Variants in DPF3 observed in about 807,000 individuals in gnomAD.
DPF3 encodes the protein zinc finger protein DPF3.
DPF3 carries 18 observed loss-of-function variants against 56.8 expected under a neutral mutation model. That is an observed-to-expected ratio of 0.32 (90% CI 0.22 to 0.47). The LOEUF (loss-of-function observed/expected upper bound fraction) is 0.47. Among genes scored for constraint, DPF3 ranks in the 20% least tolerant of loss-of-function variants. DPF3 has a pLI of 1.00. For synonymous variants in DPF3, 188 were observed against 180.2 expected (o/e 1.04, Z -0.35); for missense variants, 403 against 488.8 (o/e 0.82, Z 1.65).
chr14:72,713,232 A>T (rs946842764), intron 6 of DPF3, among the ~76,000 whole-genome samples: 3 of 152,280 alleles, frequency 2.0e-5, no homozygotes, highest in African/African-American at 7.2e-5. Context: ...TCATCTCAGG[A>T]ATGGCATCTG....
At chr14:72,697,864 C>T (rs1887973146) in intron 6 of DPF3, among the ~76,000 whole-genome samples, 1 of 152,276 alleles carries the variant, frequency 6.6e-6, no homozygotes, top group African/African-American at 2.4e-5. Context: ...ACTAACATGG[C>T]CTTCCTGGCC....
At chr14:72,718,870 C>T (rs1440745189) in intron 5 of DPF3, among the ~76,000 whole-genome samples, 1 of 149,694 alleles carries the variant, frequency 6.7e-6, no homozygotes, top group African/African-American at 2.5e-5. Context: ...CTCCCGGGTT[C>T]AAGTGATTCT....
chr14:72,837,098 T>G (rs1281819855), intron 1 of DPF3, among the ~76,000 whole-genome samples: 1 of 151,914 alleles, frequency 6.6e-6, no homozygotes, highest in Non-Finnish European at 1.5e-5. Context: ...CTCAAATTCC[T>G]GACCTCAAGT....
At chr14:72,684,376 A>C (rs938925726) in intron 7 of DPF3, among the ~76,000 whole-genome samples, 5 of 152,164 alleles carry the variant, frequency 3.3e-5, no homozygotes, top group Admixed American at 6.5e-5. Context: ...AAAAAGTTTT[A>C]ACAACCCAGG....
chr14:72,614,809 C>T lies in DPF3; in HGVS notation c.*4488G>A, dbSNP rs980060674. ...AAAAAAGAGTTACAATCACTGTTCA[C>T]TCCCACCTGCTGCCCTCCAGCTCCT... On this transcript the variant is annotated 3_prime_UTR_variant, in exon 11 of 11. Transcript: ENST00000556509. Among the ~76,000 whole-genome samples, 2 of 123,118 alleles carry T rather than the reference C, an allele frequency of 1.6e-5. No individual in the cohort carries two copies. The highest frequency in any genetic ancestry group is 6.4e-5 in the African/African-American group (2 of 31,438). 80.8% of individuals were successfully genotyped at this position (123,118 alleles called of 152,430 possible).
chr14:72,750,803 A>AC (rs1890539921), intron 3 of DPF3, among the ~76,000 whole-genome samples: 1 of 150,686 alleles, frequency 6.6e-6, no homozygotes. Flanking sequence ...AAAAAAAAAA[A>AC]AAAAAAAAAA....
chr14:72,881,241 C>T (rs8014483), intron 1 of DPF3, among the ~76,000 whole-genome samples: 46,694 of 152,126 alleles, frequency 0.31, 7,786 homozygotes, highest in East Asian at 0.58. Context: ...GCAACTCACT[C>T]CCTTACAGAG....
chr14:72,792,650 T>C (rs1892487136), intron 1 of DPF3, among the ~76,000 whole-genome samples: 1 of 151,768 alleles, frequency 6.6e-6, no homozygotes, highest in African/African-American at 2.4e-5. Context: ...AACAAAGTAC[T>C]CCAAGGACCC....
rs552558906 is a variant in DPF3, at chr14:72,771,280, G to A, written c.193+453C>T. On this transcript the variant is annotated intron_variant, in intron 2 of 10. Coordinates refer to ENST00000556509, the MANE Select transcript of DPF3 (RefSeq NM_001280542.3). ...ATAAATTTTCTCATTTAATTCAGAC[G>A]AAATCTTATGTGGTAAGTACTATTA... is the stretch of plus-strand genomic sequence containing the variant. 1.5e-4 allele frequency among the ~76,000 whole-genome samples: 23 copies of A among 152,128 alleles called. 1 individual carries two copies. The highest frequency in any genetic ancestry group is 6.2e-4 in the South Asian group (3 of 4,814).
intron 1 of DPF3, among the ~76,000 whole-genome samples, chr14:72,863,409 G>A (rs1002174997): frequency 4.6e-5 from 7 of 151,760 alleles, no homozygotes; most frequent in South Asian, 2.1e-4. Context: ...GAAGATTACC[G>A]AGAAAGGGAA....
intron 1 of DPF3, among the ~76,000 whole-genome samples, chr14:72,862,431 C>T (rs890182790): frequency 6.6e-6 from 1 of 152,140 alleles, no homozygotes; most frequent in Non-Finnish European, 1.5e-5. Flanking sequence ...ATCCCATCAT[C>T]TCTACCTTCA....
At chr14:72,892,683 C>T (rs191906506) in intron 1 of DPF3, 3 of 1,027,446 alleles carry the variant, frequency 2.9e-6, no homozygotes, top group African/African-American at 3.4e-5. Context: ...TCGACAGCGG[C>T]CACGCACCAG....
intron 3 of DPF3, among the ~76,000 whole-genome samples, chr14:72,752,663 A>G (rs1255838671): frequency 1.3e-5 from 2 of 152,230 alleles, no homozygotes; most frequent in Non-Finnish European, 2.9e-5. Flanking sequence ...ACTCTGTCTC[A>G]AAAACATATA....
intron 8 of DPF3, among the ~76,000 whole-genome samples, chr14:72,645,718 T>C (rs1885703796): frequency 6.6e-6 from 1 of 152,140 alleles, no homozygotes; most frequent in Non-Finnish European, 1.5e-5. Context: ...TTCTCTTCTT[T>C]TCCCACCATG....
chr14:72,776,866 G>A (rs1891762072), intron 1 of DPF3, among the ~76,000 whole-genome samples: 1 of 151,986 alleles, frequency 6.6e-6, no homozygotes, highest in East Asian at 1.9e-4. Flanking sequence ...TCCTAGGGGC[G>A]GGGGTGGGGG....
rs1425886005 is a variant in DPF3, at chr14:72,674,174, G to C, written c.871+66C>G. On this transcript the variant is annotated intron_variant, in intron 8 of 10. Transcript: ENST00000556509. ...CTCCAGTCTCCAGCACCACAAGATGGAAGAGGAATGCAAGAGGAGCATTCC... is the reference window on the plus strand; with the variant it reads ...CTCCAGTCTCCAGCACCACAAGATGCAAGAGGAATGCAAGAGGAGCATTCC... 1.9e-6 allele frequency: 3 copies of C among 1,548,756 alleles called. No homozygotes were observed. The South Asian group carries it at 3.8e-5, about 20-fold the overall frequency.
At chr14:72,626,917 C>G (rs1247093905) in intron 9 of DPF3, among the ~76,000 whole-genome samples, 1 of 149,910 alleles carries the variant, frequency 6.7e-6, no homozygotes, top group African/African-American at 2.5e-5. Context: ...TTTGTGAGTG[C>G]ATTTGAACTT....
At chr14:72,744,365 C>A (rs567917102) in intron 3 of DPF3, among the ~76,000 whole-genome samples, 1 of 152,068 alleles carries the variant, frequency 6.6e-6, no homozygotes. Flanking sequence ...CACAACCTCG[C>A]GGACTTCATT....
chr14:72,693,237 G>A (rs1375687058), intron 6 of DPF3, 24 bp from the exon 7 acceptor site: 4 of 1,612,718 alleles, frequency 2.5e-6, no homozygotes, highest in Non-Finnish European at 3.4e-6. Context: ...GAGGAAAAAA[G>A]GGAGAGATAC....
Sources: allele counts gnomAD v4.1 joint callset (sites outside exome capture counted in the v4.1 genomes callset), GRCh38; gene constraint gnomAD v4.1.1; transcripts MANE v1.5; gene names NCBI Gene and HGNC (gene_info 2026-07-23, HGNC 2026-07-21).